USH1C: variants seen among roughly 807,000 people sequenced by gnomAD.
The protein encoded by USH1C is USH1 protein network component harmonin.
Under a neutral mutation model 119.3 loss-of-function variants are expected in USH1C, and 90 were observed. The ratio of observed to expected loss-of-function variants is 0.75; its 90% confidence interval spans 0.64 to 0.90. USH1C has a LOEUF of 0.90. Among genes scored for constraint, USH1C ranks in the 40% least tolerant of loss-of-function variants. USH1C has a pLI of 0.00. For missense variants in USH1C, 1,165 were observed against 1,167.7 expected, an observed-to-expected ratio of 1.00 and a Z score of 0.03; for synonymous variants, 465 against 443.3, an observed-to-expected ratio of 1.05 and a Z score of -0.62.
chr11:17,520,900 C>T lies in USH1C; in HGVS notation c.1180G>A (p.Val394Ile). The part of the protein sequence containing the change: ...LLLPKTITAE[V>I]HPVPLRKPKS... ...GGCTTGCGAAGGGGTACTGGGTGTA[C>T]CTCAGCAGTGATGGTTTTAGGCAAG... Residue 394 changes from valine (V) to isoleucine (I), a missense_variant, in exon 14 of 27, where the codon GTA becomes ATA. By Grantham distance (29) the Val-to-Ile change is conservative. Transcript: ENST00000005226. 6.2e-7 allele frequency: 1 copy of T among 1,614,142 alleles called. No homozygotes were observed. Among genetic ancestry groups the T allele is most frequent in the South Asian group, 1.1e-5 (1 of 91,070 alleles).
In USH1C at chr11:17,513,500, T is replaced by C. The variant is rs549492606; in HGVS notation, c.1261-1446A>G. 2.0e-5 allele frequency among the ~76,000 whole-genome samples: 3 copies of C among 152,296 alleles called. No individual in the cohort carries two copies. The South Asian group carries it at 6.2e-4, about 32-fold the overall frequency. On this transcript the variant is annotated intron_variant, in intron 15 of 26. Transcript: ENST00000005226. ...GCCATTATGGACCTCTGAGGGACTC[T>C]TCCTAGCTCCTCTCCTAAAGACACA... is the stretch of plus-strand genomic sequence containing the variant.
In USH1C at chr11:17,495,118, G is replaced by A. The variant is rs1483603609; in HGVS notation, c.2655+451C>T. The A allele has an allele frequency of 7.2e-5, 18 of 250,422 alleles. No individual in the cohort carries two copies. The East Asian group carries it at 1.6e-3, about 22-fold the overall frequency. 15.5% of individuals were successfully genotyped at this position (250,422 alleles called of 1,614,324 possible). The stretch of plus-strand genomic sequence containing the variant: ...CATGGTGGAGCAAGAGCTCCCAGGA[G>A]GTTGGCATTCACAGGAAGGGGAATT... On this transcript the variant is annotated intron_variant, in intron 26 of 26. Coordinates refer to ENST00000005226, the MANE Select transcript of USH1C (RefSeq NM_153676.4).
chr11:17,516,384 A>G, intron 14 of USH1C, 94 bp from the exon 15 acceptor site: 14 of 1,272,454 alleles, frequency 1.1e-5, no homozygotes, highest in Non-Finnish European at 1.6e-5. Flanking sequence ...CAAGGAATGC[A>G]TGACTTTGTG....
Position 17,494,034 on chromosome 11 carries a change from A to G in USH1C, c.*298T>C. 1 of 487,510 alleles carries G rather than the reference A, an allele frequency of 2.1e-6. No homozygotes were observed. The highest frequency in any genetic ancestry group is 3.8e-6 in the Non-Finnish European group (1 of 266,096). 30.2% of individuals were successfully genotyped at this position (487,510 alleles called of 1,614,324 possible). ...AGTGGGGTCTTATTAGGGTTCAAGG[A>G]AGGAGTCCCCCAGAGCTGGGAGAGA... On this transcript the variant is annotated 3_prime_UTR_variant, in exon 27 of 27. Transcript: ENST00000005226.
chr11:17,521,065 G>T (rs1214914411), intron 13 of USH1C, 71 bp from the exon 14 acceptor site: 2 of 1,593,132 alleles, frequency 1.3e-6, no homozygotes, highest in African/African-American at 2.7e-5. Context: ...ATATCGGAGA[G>T]CCCCAGCCAG....
At chr11:17,539,035 G>A (rs902729571) in intron 1 of USH1C, among the ~76,000 whole-genome samples, 11 of 152,080 alleles carry the variant, frequency 7.2e-5, no homozygotes, top group Admixed American at 5.2e-4. Context: ...CCCCTTGGAC[G>A]AGCCACCTGC....
chr11:17,521,592 C>T (rs1287671210), intron 12 of USH1C, among the ~76,000 whole-genome samples, 181 bp from the exon 13 acceptor site: 3 of 152,108 alleles, frequency 2.0e-5, no homozygotes, highest in Non-Finnish European at 2.9e-5. Context: ...TGTGCTCTTG[C>T]GTGGTTTTGT....
At chr11:17,510,302 GGCTAGTGACGTTT>G in intron 17 of USH1C, 90 bp downstream of exon 17, 1 of 933,576 alleles carries the variant, frequency 1.1e-6, no homozygotes, top group Non-Finnish European at 1.7e-6. Flanking sequence ...GGCACTGTGA[GGCTAGTGACGTTT>G]GCTAGTTGTC....
chr11:17,526,047 A>G (rs955585647), intron 8 of USH1C, among the ~76,000 whole-genome samples: 1 of 152,152 alleles, frequency 6.6e-6, no homozygotes, highest in Non-Finnish European at 1.5e-5. Context: ...CAAAAAAATT[A>G]AAAGTTAGCT....
At chr11:17,514,797 CTTTTTTTT>C (rs57651457) in intron 15 of USH1C, among the ~76,000 whole-genome samples, 91 of 138,974 alleles carry the variant, frequency 6.5e-4, no homozygotes, top group Non-Finnish European at 1.2e-3. Flanking sequence ...AGAAGCAATT[CTTTTTTTT>C]TTTTTTTTTT....
chr11:17,507,981 A>G (rs529898546), intron 18 of USH1C, among the ~76,000 whole-genome samples: 1 of 152,326 alleles, frequency 6.6e-6, no homozygotes, highest in African/African-American at 2.4e-5. Context: ...TTCAGATGGC[A>G]AAGTCCTGGA....
At chr11:17,524,204 G>A (rs375964223) in intron 9 of USH1C, among the ~76,000 whole-genome samples, 5 of 152,326 alleles carry the variant, frequency 3.3e-5, no homozygotes, top group South Asian at 4.1e-4. Flanking sequence ...CTGAAGGTCC[G>A]CTCTTTGATT....
rs1592003919 is a variant in USH1C at position 17,522,993 on chromosome 11, G to A, written c.877-67C>T. On this transcript the variant is annotated intron_variant, in intron 11 of 26. Transcript: ENST00000005226. ...CCTGGGGATCCCCTGACACACCCCTGGGGGCCGAGATGCAGGTGGTCTTCT... is the reference window on the plus strand; with the variant it reads ...CCTGGGGATCCCCTGACACACCCCTAGGGGCCGAGATGCAGGTGGTCTTCT... The A allele has an allele frequency of 8.1e-6, 13 of 1,596,866 alleles. No homozygotes were observed. The East Asian group carries it at 3.0e-4, about 36-fold the overall frequency.
At chr11:17,513,886 G>A (rs1226409518) in intron 15 of USH1C, among the ~76,000 whole-genome samples, 1 of 152,166 alleles carries the variant, frequency 6.6e-6, no homozygotes, top group African/African-American at 2.4e-5. Flanking sequence ...CTTCTGGGTG[G>A]GGTAGTAGAC....
chr11:17,542,929 G>C (rs1851527865), intron 1 of USH1C, among the ~76,000 whole-genome samples: 1 of 152,184 alleles, frequency 6.6e-6, no homozygotes, highest in Non-Finnish European at 1.5e-5. Flanking sequence ...ACCCCTGGGA[G>C]CAGGACCAGA....
chr11:17,495,745 G>A, intron 25 of USH1C, 68 bp from the exon 26 acceptor site: 2 of 1,537,718 alleles, frequency 1.3e-6, no homozygotes, highest in Non-Finnish European at 1.8e-6. Flanking sequence ...GCTCCATGGG[G>A]CTTCTCCTTT....
chr11:17,504,534 G>A (rs1849569942), intron 20 of USH1C, 113 bp downstream of exon 20: 2 of 1,195,946 alleles, frequency 1.7e-6, no homozygotes, highest in Non-Finnish European at 2.5e-6. Context: ...CTTGGTGGCA[G>A]ATGGGGCCAC....
chr11:17,500,588 C>A (rs556692542), intron 23 of USH1C, among the ~76,000 whole-genome samples: 3 of 152,274 alleles, frequency 2.0e-5, no homozygotes, highest in African/African-American at 7.2e-5. Flanking sequence ...CCACGTGCTG[C>A]TCCTCTTCCT....
chr11:17,526,359 C>T lies in USH1C; in HGVS notation c.662G>A (p.Gly221Asp), dbSNP rs1850672078. The change falls in exon 8 of 27, where the codon GGC becomes GAC. Residue 221 changes from glycine (G) to aspartate (D), a missense_variant. Transcript: ENST00000005226. ...GCCTGCCACCCACCTGCAGCCAAGG[C>T]CTCGGGAGCCTACCAGGCTGATGAA... ...KVFISLVGSR[G>D]LGCSISSGPI... is the part of the protein sequence containing the mutation. The T allele has an allele frequency of 6.2e-7, 1 of 1,613,898 alleles. No individual in the cohort carries two copies. The highest frequency in any genetic ancestry group is 1.3e-5 in the African/African-American group (1 of 75,046).
Sources: gnomAD v4.1 joint callset for allele counts (sites outside exome capture counted in the v4.1 genomes callset) on GRCh38, gnomAD v4.1.1 for gene constraint, MANE v1.5 for transcripts, NCBI Gene and HGNC (gene_info 2026-07-23, HGNC 2026-07-21) for gene names.